LRP1B: variants seen among roughly 807,000 people sequenced by gnomAD.
LRP1B encodes the protein low-density lipoprotein receptor-related protein 1B.
Under a neutral mutation model 556.6 loss-of-function variants are expected in LRP1B, and 217 were observed. The observed-to-expected ratio is 0.39, with a 90% CI of 0.35 to 0.44. The LOEUF (loss-of-function observed/expected upper bound fraction) is 0.44, where lower values mean the gene tolerates loss of function less well. Among genes scored for constraint, LRP1B ranks in the 20% least tolerant of loss-of-function variants. The probability of loss-of-function intolerance (pLI) is 1.00; values close to 1 mark genes in which losing one functional copy is unlikely to be tolerated. For missense variants in LRP1B, 5,053 were observed against 5,620.8 expected (o/e 0.90, Z 3.23); for synonymous variants, 2,047 against 1,865.8 (o/e 1.10, Z -2.50).
chr2:141,178,917 T>C (rs371147542), intron 7 of LRP1B, among the ~76,000 whole-genome samples: 5 of 152,198 alleles, frequency 3.3e-5, no homozygotes, highest in African/African-American at 1.2e-4. Context: ...CATGTATGAA[T>C]GTTAAATATA....
At chr2:141,070,549 A>T (rs545719212) in intron 7 of LRP1B, among the ~76,000 whole-genome samples, 1 of 152,234 alleles carries the variant, frequency 6.6e-6, no homozygotes, top group Admixed American at 6.5e-5. Context: ...CCCTTCAAAA[A>T]ATTAATGAAT....
chr2:140,772,423 C>T (rs1192500399), intron 33 of LRP1B, among the ~76,000 whole-genome samples: 1 of 152,058 alleles, frequency 6.6e-6, no homozygotes, highest in African/African-American at 2.4e-5. Flanking sequence ...AATTCTCCTG[C>T]CTCAGCCTCC....
intron 2 of LRP1B, among the ~76,000 whole-genome samples, chr2:141,666,799 A>C (rs1350510060): frequency 6.6e-6 from 1 of 152,156 alleles, no homozygotes; most frequent in Non-Finnish European, 1.5e-5. Context: ...CAGCAGGACA[A>C]ACTCTAGGAG....
intron 3 of LRP1B, among the ~76,000 whole-genome samples, chr2:141,377,336 A>G (rs1055422388): frequency 1.3e-5 from 2 of 152,336 alleles, no homozygotes; most frequent in South Asian, 2.1e-4. Context: ...GCAAAAATAC[A>G]TAGTAACTTC....
At chr2:142,059,065 A>G (rs1704793579) in intron 1 of LRP1B, among the ~76,000 whole-genome samples, 1 of 152,124 alleles carries the variant, frequency 6.6e-6, no homozygotes, top group South Asian at 2.1e-4. Context: ...CTGAATGACA[A>G]TATGCACATT....
chr2:141,905,575 C>T (rs1699730937), intron 1 of LRP1B, among the ~76,000 whole-genome samples: 1 of 151,324 alleles, frequency 6.6e-6, no homozygotes, highest in Non-Finnish European at 1.5e-5. Flanking sequence ...TAAACTTAAG[C>T]ATGATTGGAA....
intron 56 of LRP1B, among the ~76,000 whole-genome samples, chr2:140,494,977 A>G (rs1178104010): frequency 6.6e-6 from 1 of 152,126 alleles, no homozygotes; most frequent in African/African-American, 2.4e-5. Flanking sequence ...TCATTTTAAT[A>G]TCTGTGATTT....
intron 56 of LRP1B, among the ~76,000 whole-genome samples, chr2:140,493,907 C>A (rs1016150852): frequency 3.3e-5 from 5 of 152,038 alleles, no homozygotes; most frequent in African/African-American, 4.8e-5. Flanking sequence ...TTTTTGAGGC[C>A]AGACTGAGAC....
chr2:141,574,629 T>A (rs1035766919), intron 2 of LRP1B, among the ~76,000 whole-genome samples: 1 of 152,000 alleles, frequency 6.6e-6, no homozygotes, highest in Non-Finnish European at 1.5e-5. Flanking sequence ...GAGAAAGAAA[T>A]AAAGATTATT....
At chr2:141,380,803 A>C (rs1453102473) in intron 3 of LRP1B, among the ~76,000 whole-genome samples, 1 of 152,068 alleles carries the variant, frequency 6.6e-6, no homozygotes, top group African/African-American at 2.4e-5. Context: ...TCTCTTTCAC[A>C]TGTCTTGAGG....
intron 68 of LRP1B, among the ~76,000 whole-genome samples, chr2:140,375,394 C>T (rs1466087737): frequency 2.0e-5 from 3 of 151,954 alleles, no homozygotes; most frequent in African/African-American, 2.4e-5. Flanking sequence ...AGGAGTGTTT[C>T]CTTTAATTGG....
At chr2:141,803,549 C>G (rs1296037071) in intron 2 of LRP1B, among the ~76,000 whole-genome samples, 2 of 151,964 alleles carry the variant, frequency 1.3e-5, no homozygotes, top group Non-Finnish European at 2.9e-5. Context: ...CATATGCTTT[C>G]CCTTTAATCT....
At chr2:141,296,290 C>T (rs538016756) in intron 3 of LRP1B, among the ~76,000 whole-genome samples, 1 of 152,056 alleles carries the variant, frequency 6.6e-6, no homozygotes, top group African/African-American at 2.4e-5. Context: ...TTAAATAATA[C>T]CAGACTAGCT....
intron 2 of LRP1B, among the ~76,000 whole-genome samples, chr2:141,499,961 A>G (rs771773065): frequency 2.0e-5 from 3 of 152,058 alleles, no homozygotes; most frequent in African/African-American, 7.2e-5. Context: ...CCACTTTGAC[A>G]TAAGGATTAC....
At chr2:141,039,417 A>G (rs1433840056) in intron 11 of LRP1B, among the ~76,000 whole-genome samples, 3 of 152,190 alleles carry the variant, frequency 2.0e-5, no homozygotes, top group African/African-American at 7.2e-5. Flanking sequence ...AACATGGTGT[A>G]TATATAGAGT....
At chr2:141,296,555 G>C (rs1418936545) in intron 3 of LRP1B, among the ~76,000 whole-genome samples, 1 of 152,084 alleles carries the variant, frequency 6.6e-6, no homozygotes, top group East Asian at 1.9e-4. Context: ...TGAAGATGGA[G>C]ATTTTATTCT....
chr2:140,679,573 A>C (rs1461017093), intron 41 of LRP1B, among the ~76,000 whole-genome samples: 1 of 152,220 alleles, frequency 6.6e-6, no homozygotes, highest in Non-Finnish European at 1.5e-5. Context: ...TGTTTTGGGA[A>C]TCAAGGAAGA....
intron 3 of LRP1B, among the ~76,000 whole-genome samples, chr2:141,431,511 T>A (rs980877802): frequency 2.0e-5 from 3 of 152,188 alleles, no homozygotes; most frequent in African/African-American, 7.2e-5. Flanking sequence ...ATCTGCTGGT[T>A]AATTTTTGCA....
chr2:141,401,126 G>T (rs184391538), intron 3 of LRP1B, among the ~76,000 whole-genome samples: 111 of 152,202 alleles, frequency 7.3e-4, no homozygotes, highest in African/African-American at 2.6e-3. Flanking sequence ...ATAAAAAGTG[G>T]CAAAATATTC....
Sources: allele counts gnomAD v4.1 joint callset (sites outside exome capture counted in the v4.1 genomes callset), GRCh38; gene constraint gnomAD v4.1.1; transcripts MANE v1.5; gene names NCBI Gene and HGNC (gene_info 2026-07-23, HGNC 2026-07-21).